CXCL14: variants seen among roughly 807,000 people sequenced by gnomAD.
CXCL14 encodes the protein C-X-C motif chemokine ligand 14, also known as C-X-C motif chemokine 14.
A neutral mutation model predicts 16.1 loss-of-function variants in CXCL14; 9 were observed. That is an observed-to-expected ratio of 0.56 (90% CI 0.34 to 0.97). CXCL14 has a LOEUF of 0.97. Ranked by LOEUF, CXCL14 falls within the 50% of genes least tolerant of loss-of-function variation. CXCL14 has a pLI of 0.02. For synonymous variants in CXCL14, 55 were observed against 52.8 expected (o/e 1.04, Z -0.18); for missense variants, 111 against 132.5 (o/e 0.84, Z 0.80).
chr5:135,571,787 A>AATTTTTTT lies in CXCL14; in HGVS notation c.*65_*66insAAAAAAAT. On this transcript the variant is annotated 3_prime_UTR_variant, in exon 4 of 4. Coordinates refer to ENST00000512158, the MANE Select transcript of CXCL14 (RefSeq NM_004887.5). The stretch of plus-strand genomic sequence containing the variant: ...TTTTTTTTTTTTTTTTTTTTTTTTA[A>AATTTTTTT]TCTGCAAAGTCCTTTGCACAAGTCT... 2 of 349,818 alleles carry AATTTTTTT rather than the reference A, an allele frequency of 5.7e-6. No individual in the cohort carries two copies. Among genetic ancestry groups the AATTTTTTT allele is most frequent in the Non-Finnish European group, 9.8e-6 (2 of 203,388 alleles). 21.7% of individuals were successfully genotyped at this position (349,818 alleles called of 1,614,324 possible). A position where few individuals can be genotyped will look rare whatever the true frequency, so the allele number is the denominator to read the frequency against.
chr5:135,576,628 T>C (rs1325726270), intron 2 of CXCL14, among the ~76,000 whole-genome samples: 1 of 152,148 alleles, frequency 6.6e-6, no homozygotes, highest in Admixed American at 6.5e-5. Flanking sequence ...GTAAGGGTTT[T>C]GGTGAGAGCT....
Position 135,578,516 on chromosome 5 carries a change from T to G in CXCL14, c.88A>C (p.Lys30Gln). The G allele has an allele frequency of 6.2e-7, 1 of 1,614,200 alleles. No individual in the cohort carries two copies. The highest frequency in any genetic ancestry group is 8.5e-7 in the Non-Finnish European group (1 of 1,180,024). ...VDGSKCKCSR[K>Q]GPKIRYSDVK... ...TCGCTGTAGCGGATCTTGGGTCCCT[T>G]CCGGGAGCACTTGCATTTGGACCCT... The change falls in exon 2 of 4, where the codon AAG (lysine) becomes CAG (glutamine). Residue 30 changes from lysine (K) to glutamine (Q), a missense_variant. Physicochemically the swap from Lys to Gln is moderately conservative, Grantham distance 53. Coordinates refer to ENST00000512158, the MANE Select transcript of CXCL14 (RefSeq NM_004887.5).
rs1173312243 is a variant in CXCL14, at chr5:135,578,444, TCTC to T, written c.157_159del (p.Glu53del). The T allele has an allele frequency of 8.1e-6, 13 of 1,613,852 alleles. No homozygotes were observed. The highest frequency in any genetic ancestry group is 2.2e-5 in the South Asian group (2 of 91,072). Reference sequence around the variant, plus strand: ...GGAGCGAGAACTCACATAACCATCTTCTCCTCGCAGTGCGGGTACTTTGGCTTC... The same window carrying T: ...GGAGCGAGAACTCACATAACCATCTTCTCGCAGTGCGGGTACTTTGGCTTC... On this transcript the variant is annotated inframe_deletion, in exon 2 of 4. Transcript: ENST00000512158.
intron 2 of CXCL14, among the ~76,000 whole-genome samples, chr5:135,578,053 C>T (rs752429891): frequency 2.0e-5 from 3 of 152,212 alleles, no homozygotes; most frequent in African/African-American, 7.2e-5. Context: ...GAAGGCAGCA[C>T]GCCTCACAGT....
chr5:135,574,370 A>G (rs1751067661), intron 3 of CXCL14, among the ~76,000 whole-genome samples: 1 of 152,220 alleles, frequency 6.6e-6, no homozygotes, highest in African/African-American at 2.4e-5. Context: ...TGGACAAGAG[A>G]TGGATAGCTA....
At chr5:135,577,499 G>A (rs1346434291) in intron 2 of CXCL14, among the ~76,000 whole-genome samples, 1 of 152,238 alleles carries the variant, frequency 6.6e-6, no homozygotes. Context: ...GGGGGTGCTG[G>A]GTAGGGGTGT....
At chr5:135,574,415 G>T (rs1050280687) in intron 3 of CXCL14, among the ~76,000 whole-genome samples, 157 bp downstream of exon 3, 1 of 152,210 alleles carries the variant, frequency 6.6e-6, no homozygotes, top group Non-Finnish European at 1.5e-5. Context: ...GTCCCTGGGG[G>T]TATGTAAGCA....
At chr5:135,575,296 A>G (rs1193514530) in intron 2 of CXCL14, among the ~76,000 whole-genome samples, 4 of 152,110 alleles carry the variant, frequency 2.6e-5, no homozygotes, top group Admixed American at 2.6e-4. Context: ...CCTAAGCAGA[A>G]GAGTAAGACC....
rs566365690 is a variant in CXCL14, at chr5:135,571,742, CTTTTTTTTTTTTTTTTTTTT to C, written c.*91_*110del. On this transcript the variant is annotated 3_prime_UTR_variant, in exon 4 of 4. Coordinates refer to ENST00000512158, the MANE Select transcript of CXCL14 (RefSeq NM_004887.5). ...GTCTTATGCCTGTGAGAAAGAAAGG[CTTTTTTTTTTTTTTTTTTTT>C]TTTTTTTTTTTTTTTTTTTTTTTAA... is the stretch of plus-strand genomic sequence containing the variant. 6,077 of 459,656 alleles carry C rather than the reference CTTTTTTTTTTTTTTTTTTTT, an allele frequency of 0.013. 129 individuals are homozygous for C. The highest frequency in any genetic ancestry group is 0.039 in the African/African-American group (925 of 23,524). 28.5% of individuals were successfully genotyped at this position (459,656 alleles called of 1,614,324 possible).
chr5:135,572,116 C>T (rs570863659), intron 3 of CXCL14, among the ~76,000 whole-genome samples: 5 of 152,244 alleles, frequency 3.3e-5, no homozygotes, highest in Non-Finnish European at 5.9e-5. Context: ...CTCATTTTGT[C>T]CTCAGAGGCC....
At chr5:135,574,364 C>G (rs555026454) in intron 3 of CXCL14, among the ~76,000 whole-genome samples, 1 of 152,216 alleles carries the variant, frequency 6.6e-6, no homozygotes, top group Admixed American at 6.5e-5. Context: ...TGCAAATGGA[C>G]AAGAGATGGA....
intron 2 of CXCL14, among the ~76,000 whole-genome samples, chr5:135,577,730 T>C (rs1304949869): frequency 1.3e-5 from 2 of 152,206 alleles, no homozygotes; most frequent in East Asian, 3.9e-4. Flanking sequence ...AAGTGGTTAA[T>C]TGGGAAGGCG....
chr5:135,578,957 G>A lies in CXCL14; in HGVS notation c.-179C>T, dbSNP rs1580696320. The stretch of plus-strand genomic sequence containing the variant: ...TGCCCAGGGCTGTCTGTGGCCGTGC[G>A]CTGCGCTCTGCGCTTGTCTCCGCGC... On this transcript the variant is annotated 5_prime_UTR_variant, in exon 1 of 4. Transcript: ENST00000512158. 1.1e-5 allele frequency: 7 copies of A among 615,642 alleles called. No homozygotes were observed. Among genetic ancestry groups the A allele is most frequent in the Non-Finnish European group, 1.6e-5 (6 of 383,282 alleles). 38.1% of individuals were successfully genotyped at this position (615,642 alleles called of 1,614,324 possible). A position where few individuals can be genotyped will look rare whatever the true frequency, so the allele number is the denominator to read the frequency against.
At chr5:135,576,568 CAG>C (rs1202878008) in intron 2 of CXCL14, among the ~76,000 whole-genome samples, 1 of 152,180 alleles carries the variant, frequency 6.6e-6, no homozygotes, top group African/African-American at 2.4e-5. Context: ...CAGCAACTAT[CAG>C]AAATTCTGAG....
intron 2 of CXCL14, among the ~76,000 whole-genome samples, chr5:135,577,596 C>T (rs991563141): frequency 6.6e-6 from 1 of 152,176 alleles, no homozygotes; most frequent in African/African-American, 2.4e-5. Context: ...GAATAAAGTG[C>T]GTCCTGTTTC....
chr5:135,573,938 AG>A (rs1162488086), intron 3 of CXCL14, among the ~76,000 whole-genome samples: 1 of 152,152 alleles, frequency 6.6e-6, no homozygotes, highest in African/African-American at 2.4e-5. Flanking sequence ...CAGTAAGTAC[AG>A]GGCTGGTTCA....
chr5:135,578,587 C>T (rs775282762), intron 1 of CXCL14, 48 bp from the exon 2 acceptor site: 1 of 1,601,710 alleles, frequency 6.2e-7, no homozygotes, highest in Non-Finnish European at 8.6e-7. Flanking sequence ...CGGTCTCCTG[C>T]CCCTCGACCA....
Position 135,578,809 on chromosome 5 carries a change from G to C in CXCL14, c.-31C>G. The C allele has an allele frequency of 6.6e-7, 1 of 1,522,660 alleles. No individual in the cohort carries two copies. The highest frequency in any genetic ancestry group is 8.8e-7 in the Non-Finnish European group (1 of 1,139,062). The allele number at this position is 1,522,660 out of a possible 1,614,324, so 94.3% of individuals were successfully genotyped here. ...CCGGAGGGGCGCGGCGTGGGAGCAG[G>C]GACATGGGGAGGGCGCTGGCCCGTC... On this transcript the variant is annotated 5_prime_UTR_variant, in exon 1 of 4. Coordinates refer to ENST00000512158, the MANE Select transcript of CXCL14 (RefSeq NM_004887.5).
chr5:135,577,477 TAG>T (rs1751121871), intron 2 of CXCL14, among the ~76,000 whole-genome samples: 1 of 152,344 alleles, frequency 6.6e-6, no homozygotes, highest in South Asian at 2.1e-4. Flanking sequence ...GTGTAGCCCC[TAG>T]ACGGGGATGG....
Sources: allele counts gnomAD v4.1 joint callset (sites outside exome capture counted in the v4.1 genomes callset), GRCh38; gene constraint gnomAD v4.1.1; transcripts MANE v1.5; gene names NCBI Gene and HGNC (gene_info 2026-07-23, HGNC 2026-07-21).